CPPED1: variants seen among roughly 807,000 people sequenced by gnomAD.
CPPED1 encodes serine/threonine-protein phosphatase CPPED1.
CPPED1 carries 28 observed loss-of-function variants against 28.0 expected under a neutral mutation model. The ratio of observed to expected loss-of-function variants is 1.00; its 90% CI spans 0.74 to 1.37. CPPED1 has a LOEUF of 1.37. Ranked by LOEUF, CPPED1 falls within the 40% of genes most tolerant of loss-of-function variation. The probability of loss-of-function intolerance (pLI) is 0.00; values close to 1 mark genes in which losing one functional copy is unlikely to be tolerated. For missense variants in CPPED1, 504 were observed against 416.5 expected, an observed-to-expected ratio of 1.21 and a Z score of -1.83; for synonymous variants, 198 against 180.2, an observed-to-expected ratio of 1.10 and a Z score of -0.79.
chr16:12,737,809 G>C (rs2080234411), intron 2 of CPPED1, among the ~76,000 whole-genome samples: 3 of 152,168 alleles, frequency 2.0e-5, no homozygotes, highest in Non-Finnish European at 4.4e-5. Flanking sequence ...GGAGGGAGCG[G>C]CTGGAGGGAA....
In CPPED1 at chr16:12,709,796, AG is replaced by A. The variant is rs1160226851; in HGVS notation, c.290-4748del. On this transcript the variant is annotated intron_variant, in intron 2 of 3. Coordinates refer to ENST00000381774, the MANE Select transcript of CPPED1 (RefSeq NM_018340.3). The surrounding 1 kb of genome is among the most constrained non-coding windows in gnomAD (Gnocchi z 4.4). Reference sequence around the variant, plus strand: ...TTCCTCCAAGATCAGGAACAAGACAAGGAAGTCTGCTCTCACACTCTCACTG... The same window carrying A: ...TTCCTCCAAGATCAGGAACAAGACAAGAAGTCTGCTCTCACACTCTCACTG... Among the ~76,000 whole-genome samples the A allele has an allele frequency of 2.6e-5, 4 of 152,150 alleles. No individual in the cohort carries two copies. Among genetic ancestry groups the A allele is most frequent in the Admixed American group, 6.5e-5 (1 of 15,268 alleles).
At chr16:12,677,100 C>T (rs138618432) in intron 3 of CPPED1, among the ~76,000 whole-genome samples, 77 of 152,318 alleles carry the variant, frequency 5.1e-4, no homozygotes, top group African/African-American at 1.7e-3. Context: ...AACGTAAAGG[C>T]TCCTGCAGAC....
intron 2 of CPPED1, among the ~76,000 whole-genome samples, chr16:12,758,421 C>G (rs564402853): frequency 8.5e-5 from 13 of 152,270 alleles, no homozygotes; most frequent in African/African-American, 3.1e-4. Context: ...GAGGCAGGTA[C>G]TTGGGATACA....
intron 2 of CPPED1, among the ~76,000 whole-genome samples, chr16:12,764,911 G>C (rs868431688): frequency 2.0e-4 from 31 of 152,324 alleles, no homozygotes; most frequent in South Asian, 2.1e-4. Flanking sequence ...AAACAAATGA[G>C]TAAATGAATT....
chr16:12,769,909 G>C (rs2141231969), intron 2 of CPPED1, among the ~76,000 whole-genome samples: 1 of 152,312 alleles, frequency 6.6e-6, no homozygotes, highest in South Asian at 2.1e-4. Flanking sequence ...GGAGCCTGGT[G>C]TAGACACTTA....
At chr16:12,688,032 A>T (rs1278615519) in intron 3 of CPPED1, among the ~76,000 whole-genome samples, 2 of 143,952 alleles carry the variant, frequency 1.4e-5, no homozygotes, top group Non-Finnish European at 3.1e-5. Context: ...AACTCACACT[A>T]TTTTTTTTTT....
intron 1 of CPPED1, among the ~76,000 whole-genome samples, chr16:12,785,981 C>T (rs1375219691): frequency 6.6e-6 from 1 of 151,362 alleles, no homozygotes; most frequent in Non-Finnish European, 1.5e-5. Context: ...CAGTTTTTTC[C>T]CCCTACCTTT....
At chr16:12,766,987 T>C (rs1441516153) in intron 2 of CPPED1, among the ~76,000 whole-genome samples, 1 of 142,838 alleles carries the variant, frequency 7.0e-6, no homozygotes, top group East Asian at 2.0e-4. Context: ...GGCTCCATGG[T>C]TGCTCAGAGG....
At chr16:12,693,231 C>T (rs1266530655) in intron 3 of CPPED1, among the ~76,000 whole-genome samples, 2 of 152,174 alleles carry the variant, frequency 1.3e-5, no homozygotes, top group African/African-American at 4.8e-5. Context: ...TTTTGAGAGT[C>T]TCACTCTGTC....
chr16:12,728,652 A>C (rs2080181776), intron 2 of CPPED1, among the ~76,000 whole-genome samples: 1 of 152,158 alleles, frequency 6.6e-6, no homozygotes, highest in Admixed American at 6.6e-5. Flanking sequence ...CTAGCCTGTT[A>C]CTCTACAACA....
intron 3 of CPPED1, among the ~76,000 whole-genome samples, chr16:12,691,653 G>T (rs2141178727): frequency 6.6e-6 from 1 of 152,208 alleles, no homozygotes; most frequent in South Asian, 2.1e-4. Context: ...ATGAGTTCAT[G>T]TCCTTTGTAG....
chr16:12,720,618 T>G (rs1250847148), intron 2 of CPPED1, among the ~76,000 whole-genome samples: 1 of 152,158 alleles, frequency 6.6e-6, no homozygotes, highest in Non-Finnish European at 1.5e-5. Context: ...CTCCTGAGTA[T>G]CTGGTACTAC....
chr16:12,668,710 G>T (rs1284524666), intron 3 of CPPED1, among the ~76,000 whole-genome samples: 2 of 152,174 alleles, frequency 1.3e-5, no homozygotes, highest in African/African-American at 4.8e-5. Context: ...ATACACAAAT[G>T]GCCGATAATT....
chr16:12,747,193 A>T (rs369901807), intron 2 of CPPED1, among the ~76,000 whole-genome samples: 147 of 152,042 alleles, frequency 9.7e-4, no homozygotes, highest in African/African-American at 3.4e-3. Context: ...ATTTTGGGAG[A>T]CTGAGGTGGG....
At position 12,766,242 on chromosome 16, in the gene CPPED1, A is replaced by AATAT. The variant is rs71393703; in HGVS notation, c.289+14939_289+14942dup. ...ACCCCATCTCTACAAAAAAAATACA[A>AATAT]ATATATATATATATAGAGAGAGAGA... On this transcript the variant is annotated intron_variant, in intron 2 of 3. Coordinates refer to ENST00000381774, the MANE Select transcript of CPPED1 (RefSeq NM_018340.3). 3.9e-3 allele frequency among the ~76,000 whole-genome samples: 498 copies of AATAT among 126,628 alleles called. 3 individuals carry two copies. The highest frequency in any genetic ancestry group is 5.0e-3 in the Non-Finnish European group (323 of 64,130). The allele number at this position is 126,628 out of a possible 152,430, so 83.1% of individuals were successfully genotyped here. A position where few individuals can be genotyped will look rare whatever the true frequency, so the allele number is the denominator to read the frequency against.
chr16:12,662,056 G>GATGA lies in CPPED1; in HGVS notation c.*2826_*2829dup, dbSNP rs1387338625. ...TCTACATCCGTTCTTTCTCCACCAA[G>GATGA]ATGAGTTAGGCGACCTTGGCCACGT... On this transcript the variant is annotated 3_prime_UTR_variant, in exon 4 of 4. Transcript: ENST00000381774. The GATGA allele has an allele frequency of 6.6e-6, 1 of 152,236 alleles. No individual in the cohort carries two copies. The highest frequency in any genetic ancestry group is 1.5e-5 in the Non-Finnish European group (1 of 68,066). 9.4% of individuals were successfully genotyped at this position (152,236 alleles called of 1,614,324 possible). A position where few individuals can be genotyped will look rare whatever the true frequency, so the allele number is the denominator to read the frequency against.
Position 12,682,328 on chromosome 16 carries a change from G to C in CPPED1, c.716-17213C>G, listed in dbSNP as rs570413899. On this transcript the variant is annotated intron_variant, in intron 3 of 3. Coordinates refer to ENST00000381774, the MANE Select transcript of CPPED1 (RefSeq NM_018340.3). The surrounding 1 kb of genome is among the most constrained non-coding windows in gnomAD (Gnocchi z 6.1). ...TGAGATTACAGACACGAGCCACCGC[G>C]CCCAGCCCCTTTATTACTTTTCTAC... Among the ~76,000 whole-genome samples, 1 of 152,094 alleles carries C rather than the reference G, an allele frequency of 6.6e-6. No homozygotes were observed. The highest frequency in any genetic ancestry group is 2.4e-5 in the African/African-American group (1 of 41,404).
chr16:12,793,638 A>C (rs939322649), intron 1 of CPPED1, among the ~76,000 whole-genome samples: 2 of 152,222 alleles, frequency 1.3e-5, no homozygotes, highest in African/African-American at 2.4e-5. Context: ...TGGACTAGAC[A>C]CAGAGCAAGT....
At chr16:12,760,468 G>T in intron 2 of CPPED1, 1 of 152,340 alleles carries the variant, frequency 6.6e-6, no homozygotes. Context: ...ACTGGAATCC[G>T]GGGACTGCTG....
Sources: gnomAD v4.1 joint callset for allele counts (sites outside exome capture counted in the v4.1 genomes callset) on GRCh38, gnomAD v4.1.1 for gene constraint, Gnocchi (gnomAD v3.1) non-coding constraint, MANE v1.5 for transcripts, NCBI Gene and HGNC (gene_info 2026-07-23, HGNC 2026-07-21) for gene names.